SSRP1: variants seen among roughly 807,000 people sequenced by gnomAD.
The protein encoded by SSRP1 is structure specific recognition protein 1.
SSRP1 carries 21 observed loss-of-function variants against 84.4 expected under a neutral mutation model. That is an observed-to-expected ratio of 0.25 (90% confidence interval 0.18 to 0.36). SSRP1 has a LOEUF of 0.36. Ranked by LOEUF, SSRP1 falls within the 10% of genes least tolerant of loss-of-function variation. The pLI, the probability that SSRP1 is intolerant of heterozygous loss-of-function variation, is 1.00. For missense variants in SSRP1, 519 were observed against 900.8 expected (o/e 0.58, Z 5.43); for synonymous variants, 319 against 318.3 (o/e 1.00, Z -0.02).
In SSRP1 at chr11:57,332,949, G is replaced by T. The variant is rs779778319; in HGVS notation, c.537+10C>A. ...CCATCTGCTGCCAAGGCAACCAGGG[G>T]AAGCCTCACCTCAACAGGGTCCACA... On this transcript the variant is annotated intron_variant, in intron 5 of 16. Coordinates refer to ENST00000278412, the MANE Select transcript of SSRP1 (RefSeq NM_003146.3). This position sits in a 1 kb window ranked among gnomAD's most constrained non-coding sequence, Gnocchi z 5.5. 1.2e-6 allele frequency: 2 copies of T among 1,603,838 alleles called. No homozygotes were observed.
chr11:57,332,298 T>G lies in SSRP1; in HGVS notation c.873-18A>C. 6.2e-7 allele frequency: 1 copy of G among 1,614,028 alleles called. No individual in the cohort carries two copies. The highest frequency in any genetic ancestry group is 8.5e-7 in the Non-Finnish European group (1 of 1,179,992). ...CTTCTTCCCTACAAAGAAAGCAAGG[T>G]GAGGTCACAACACTACTGCCTTCTA... On this transcript the variant is annotated intron_variant, in intron 7 of 16. Transcript: ENST00000278412. The surrounding 1 kb of genome is among the most constrained non-coding windows in gnomAD (Gnocchi z 5.5).
Position 57,326,066 on chromosome 11 carries a change from A to C in SSRP1, c.*341T>G, listed in dbSNP as rs1028336670. The C allele has an allele frequency of 1.0e-5, 3 of 298,128 alleles. No homozygotes were observed. The Admixed American group carries it at 1.4e-4, about 14-fold the overall frequency. 18.5% of individuals were successfully genotyped at this position (298,128 alleles called of 1,614,324 possible). A position where few individuals can be genotyped will look rare whatever the true frequency, so the allele number is the denominator to read the frequency against. On this transcript the variant is annotated 3_prime_UTR_variant, in exon 17 of 17. Coordinates refer to ENST00000278412, the MANE Select transcript of SSRP1 (RefSeq NM_003146.3). ...ATGAAAGTAGAAATAGGCCCCAGGT[A>C]GGAGCTACAGGCCTGGCCTCACATG...
At position 57,332,662 on chromosome 11, in the gene SSRP1, A is replaced by G; in HGVS notation, c.731T>C (p.Leu244Ser). The G allele has an allele frequency of 6.2e-7, 1 of 1,613,704 alleles. No individual in the cohort carries two copies. The highest frequency in any genetic ancestry group is 8.5e-7 in the Non-Finnish European group (1 of 1,179,758). ...IPYTTVLRLF[L>S]LPHKDQRQMF... ...CTGGCGCTGGTCCTTGTGGGGTAACAAAAACAGACGCAGTACTGTGGTGTA... is the reference window on the plus strand; with the variant it reads ...CTGGCGCTGGTCCTTGTGGGGTAACGAAAACAGACGCAGTACTGTGGTGTA... Residue 244 changes from leucine to serine, a missense_variant, in exon 6 of 17, where the codon TTG becomes TCG. By Grantham distance (145) the Leu-to-Ser change is moderately radical (BLOSUM62 -2). This residue lies in a region of SSRP1 where 159 missense variants were observed against 359.0 expected (regional missense o/e 0.44). Transcript: ENST00000278412. This position sits in a 1 kb window ranked among gnomAD's most constrained non-coding sequence, Gnocchi z 5.5.
intron 3 of SSRP1, 45 bp downstream of exon 3, chr11:57,334,418 A>C: frequency 6.3e-7 from 1 of 1,595,794 alleles, no homozygotes; most frequent in East Asian, 2.2e-5. Context: ...GATTAAAATA[A>C]GAAGATGCAG....
Position 57,335,242 on chromosome 11 carries a change from T to A in SSRP1, c.-119-2A>T. On this transcript the variant is annotated splice_acceptor_variant, in intron 1 of 16. Coordinates refer to ENST00000278412, the MANE Select transcript of SSRP1 (RefSeq NM_003146.3). LOFTEE classifies it low-confidence loss of function (5UTR_SPLICE). This position sits in a 1 kb window ranked among gnomAD's most constrained non-coding sequence, Gnocchi z 4.6. Reference sequence around the variant, plus strand: ...GCGGATGCTCAGCAGGTTGGGAATCTGAATTCAAGAGGAAGACAGATAAGC... The same window carrying A: ...GCGGATGCTCAGCAGGTTGGGAATCAGAATTCAAGAGGAAGACAGATAAGC... The A allele has an allele frequency of 2.0e-6, 2 of 998,278 alleles. No homozygotes were observed. Among genetic ancestry groups the A allele is most frequent in the Non-Finnish European group, 3.2e-6 (2 of 629,970 alleles). The allele number at this position is 998,278 out of a possible 1,614,324, so 61.8% of individuals were successfully genotyped here.
chr11:57,330,504 C>G lies in SSRP1; in HGVS notation c.1297-75G>C, dbSNP rs928665097. 21 of 1,582,192 alleles carry G rather than the reference C, an allele frequency of 1.3e-5. No homozygotes were observed. The African/African-American group carries it at 2.0e-4, about 15-fold the overall frequency. ...TCCCTGCACACTCAAAAGCACACCCCCATGCCTGTCAAGTCAGAGCAGCAG... is the reference window on the plus strand; with the variant it reads ...TCCCTGCACACTCAAAAGCACACCCGCATGCCTGTCAAGTCAGAGCAGCAG... On this transcript the variant is annotated intron_variant, in intron 10 of 16. Coordinates refer to ENST00000278412, the MANE Select transcript of SSRP1 (RefSeq NM_003146.3). The surrounding 1 kb of genome is among the most constrained non-coding windows in gnomAD (Gnocchi z 4.0).
rs1463381917 is a variant in SSRP1 at position 57,332,855 on chromosome 11, C to T, written c.538G>A (p.Ala180Thr). The stretch of plus-strand genomic sequence containing the variant: ...TTTGACAACACATTCTGGGCAAAGG[C>T]CTGCAAAAGCACATATTGGTAGCCA... ...TQEDGVDPVEAFAQNVLSKAD... is the reference protein window; with the variant it reads ...TQEDGVDPVETFAQNVLSKAD... Residue 180 changes from alanine (A) to threonine (T), a missense_variant and splice_region_variant, in exon 6 of 17, where the codon GCC becomes ACC. Coordinates refer to ENST00000278412, the MANE Select transcript of SSRP1 (RefSeq NM_003146.3). The surrounding 1 kb of genome is among the most constrained non-coding windows in gnomAD (Gnocchi z 5.5). 1 of 1,608,592 alleles carries T rather than the reference C, an allele frequency of 6.2e-7. No individual in the cohort carries two copies. The highest frequency in any genetic ancestry group is 8.5e-7 in the Non-Finnish European group (1 of 1,175,748).
Position 57,326,998 on chromosome 11 carries a change from T to C in SSRP1, c.1872-109A>G, listed in dbSNP as rs532480839. Reference sequence around the variant, plus strand: ...TTCCCAATCCCAGCCACACAGCCCATTTCACTCTGAACGTAAATAGCTGCG... The same window carrying C: ...TTCCCAATCCCAGCCACACAGCCCACTTCACTCTGAACGTAAATAGCTGCG... On this transcript the variant is annotated intron_variant, in intron 15 of 16. Transcript: ENST00000278412. 2.1e-6 allele frequency: 3 copies of C among 1,444,036 alleles called. No individual in the cohort carries two copies. In the African/African-American group the frequency reaches 4.3e-5, roughly 21 times the overall value. The allele number at this position is 1,444,036 out of a possible 1,614,324, so 89.5% of individuals were successfully genotyped here. A position where few individuals can be genotyped will look rare whatever the true frequency, so the allele number is the denominator to read the frequency against.
chr11:57,326,628 C>T, intron 16 of SSRP1, 75 bp downstream of exon 16: 1 of 1,584,708 alleles, frequency 6.3e-7, no homozygotes, highest in Non-Finnish European at 8.6e-7. Flanking sequence ...ACTCATTACT[C>T]TTACAGACCA....
At chr11:57,334,739 T>C in intron 2 of SSRP1, 91 bp from the exon 3 acceptor site, 1 of 1,462,380 alleles carries the variant, frequency 6.8e-7, no homozygotes, top group Admixed American at 1.8e-5. Flanking sequence ...CTGCTGCAAG[T>C]GGACTGGCCA....
rs1855973461 is a variant in SSRP1 at position 57,326,060 on chromosome 11, C to G, written c.*347G>C. 1 of 289,886 alleles carries G rather than the reference C, an allele frequency of 3.4e-6. No homozygotes were observed. Among genetic ancestry groups the G allele is most frequent in the African/African-American group, 2.2e-5 (1 of 46,298 alleles). The allele number at this position is 289,886 out of a possible 1,614,324, so 18.0% of individuals were successfully genotyped here. On this transcript the variant is annotated 3_prime_UTR_variant, in exon 17 of 17. Transcript: ENST00000278412. ...TACAAAATGAAAGTAGAAATAGGCC[C>G]CAGGTAGGAGCTACAGGCCTGGCCT...
Position 57,330,176 on chromosome 11 carries a change from A to T in SSRP1, c.1436-38T>A. 6.2e-7 allele frequency: 1 copy of T among 1,614,166 alleles called. No individual in the cohort carries two copies. The highest frequency in any genetic ancestry group is 8.5e-7 in the Non-Finnish European group (1 of 1,180,022). On this transcript the variant is annotated intron_variant, in intron 11 of 16. Transcript: ENST00000278412. This position sits in a 1 kb window ranked among gnomAD's most constrained non-coding sequence, Gnocchi z 4.0. ...ACAGGATGCATCAGCTTCTGCCCCA[A>T]TGGAAATCCCCCCACCTCACCCAGG...
Position 57,335,095 on chromosome 11 carries a change from G to A in SSRP1, c.27C>T (p.Asp9=), listed in dbSNP as rs1464764794. The A allele has an allele frequency of 1.2e-6, 2 of 1,614,028 alleles. No individual in the cohort carries two copies. Among genetic ancestry groups the A allele is most frequent in the Non-Finnish European group, 1.7e-6 (2 of 1,180,000 alleles). ...TGGAACCTTTCACCTCCTGATAGACGTCGTTGAACTCCAGTGTCTCTGCCA... is the reference window on the plus strand; with the variant it reads ...TGGAACCTTTCACCTCCTGATAGACATCGTTGAACTCCAGTGTCTCTGCCA... MAETLEFN[D]VYQEVKGSMN... is the part of the protein sequence containing the mutation. The change falls in exon 2 of 17, where the codon GAC becomes GAT. Residue 9 remains aspartate (D), a synonymous_variant. Transcript: ENST00000278412. This position sits in a 1 kb window ranked among gnomAD's most constrained non-coding sequence, Gnocchi z 4.6.
At chr11:57,331,590 C>T in intron 9 of SSRP1, 78 bp downstream of exon 9, 1 of 1,221,644 alleles carries the variant, frequency 8.2e-7, no homozygotes, top group Admixed American at 1.8e-5. Context: ...TGGAGAGTGC[C>T]CCAGGCCACG....
At position 57,326,866 on chromosome 11, in the gene SSRP1, T is replaced by C; in HGVS notation, c.1895A>G (p.Lys632Arg). 6.2e-7 allele frequency: 1 copy of C among 1,605,212 alleles called. No individual in the cohort carries two copies. Among genetic ancestry groups the C allele is most frequent in the Non-Finnish European group, 8.5e-7 (1 of 1,175,498 alleles). Residue 632 changes from lysine to arginine, a missense_variant, in exon 16 of 17, where the codon AAA becomes AGA. Physicochemically the swap from Lys to Arg is conservative, Grantham distance 26 (BLOSUM62 2). Coordinates refer to ENST00000278412, the MANE Select transcript of SSRP1 (RefSeq NM_003146.3). ...SKRDKSKKKK[K>R]VKVKMEKKST... ...TTTCTTTTCCATCTTTACCTTTACT[T>C]TCTTCTTCTTCTTTGACTTGTCCCT... is the stretch of plus-strand genomic sequence containing the variant.
Position 57,334,479 on chromosome 11 carries a change from T to C in SSRP1, c.224A>G (p.Asp75Gly). ...LTKNGHVYKY[D>G]GFRESEFEKL... ...ACATCTCACCGATTCTCGGAAGCCA[T>C]CATACTTGTAGACATGGCCATTCTT... is the stretch of plus-strand genomic sequence containing the variant. Residue 75 changes from aspartate to glycine, a missense_variant, in exon 3 of 17, where the codon GAT (aspartate) becomes GGT (glycine). Asp to Gly is a moderately conservative substitution (Grantham distance 94). Coordinates refer to ENST00000278412, the MANE Select transcript of SSRP1 (RefSeq NM_003146.3). The C allele has an allele frequency of 6.2e-7, 1 of 1,614,170 alleles. No homozygotes were observed. Among genetic ancestry groups the C allele is most frequent in the Non-Finnish European group, 8.5e-7 (1 of 1,180,010 alleles).
Position 57,332,871 on chromosome 11 carries a change from T to C in SSRP1, c.538-16A>G. 2 of 1,604,244 alleles carry C rather than the reference T, an allele frequency of 1.2e-6. No homozygotes were observed. Among genetic ancestry groups the C allele is most frequent in the Non-Finnish European group, 1.7e-6 (2 of 1,172,788 alleles). On this transcript the variant is annotated splice_polypyrimidine_tract_variant and intron_variant, in intron 5 of 16. Transcript: ENST00000278412. The surrounding 1 kb of genome is among the most constrained non-coding windows in gnomAD (Gnocchi z 5.5). ...GGGCAAAGGCCTGCAAAAGCACATA[T>C]TGGTAGCCAAGCAGCAGGCCCTGCT...
rs78985586 is a variant in SSRP1 at position 57,328,632 on chromosome 11, A to G, written c.1482-206T>C. On this transcript the variant is annotated intron_variant, in intron 12 of 16. Transcript: ENST00000278412. ...CCATGCCCTCTCCAGACCCAGCCAC[A>G]GCAATTGGTTACTTGATTGGAATTA... 7.1e-3 allele frequency: 4,209 copies of G among 595,558 alleles called. 19 individuals carry two copies. The highest frequency in any genetic ancestry group is 9.5e-3 in the Non-Finnish European group (3,430 of 360,290). The allele number at this position is 595,558 out of a possible 1,614,324, so 36.9% of individuals were successfully genotyped here.
intron 3 of SSRP1, 132 bp from the exon 4 acceptor site, chr11:57,333,672 G>C: frequency 3.1e-6 from 2 of 654,486 alleles, no homozygotes; most frequent in Non-Finnish European, 5.4e-6. Context: ...TGCTGACTTA[G>C]CAACCCAGCT....
Sources: gnomAD v4.1 joint callset for allele counts on GRCh38, gnomAD v4.1.1 for gene constraint, gnomAD v4.1.1 regional missense constraint, Gnocchi (gnomAD v3.1) non-coding constraint, MANE v1.5 for transcripts, NCBI Gene and HGNC (gene_info 2026-07-23, HGNC 2026-07-21) for gene names.